The following PIGN variants were observed in gnomAD, a reference collection of about 807,000 sequenced individuals.
PIGN encodes phosphatidylinositol glycan anchor biosynthesis class N.
In PIGN, 117 loss-of-function variants were observed where a neutral mutation model predicts 125.4. That is an observed-to-expected ratio of 0.93 (90% CI 0.80 to 1.09). The LOEUF is 1.09. Among genes scored for constraint, PIGN ranks in the 50% least tolerant of loss-of-function variants. The pLI is 0.00. For missense variants in PIGN, 1,075 were observed against 1,094.9 expected (o/e 0.98, Z 0.26); for synonymous variants, 392 against 377.8 (o/e 1.04, Z -0.44).
chr18:62,145,976 A>T lies in PIGN; in HGVS notation c.855T>A (p.Thr285=), dbSNP rs1311950306. The change falls in exon 10 of 31, where the codon ACT becomes ACA. Residue 285 remains threonine (T), a synonymous_variant. Coordinates refer to ENST00000640252, the MANE Select transcript of PIGN (RefSeq NM_176787.5). The stretch of plus-strand genomic sequence containing the variant: ...GGGGATACTTGATTCCAGCTCCCCA[A>T]GTGACTAAAGGAGTTAAAGTCTCTG... ...HPSETLTPLV[T]WGAGIKYPQR... 1 of 1,609,736 alleles carries T rather than the reference A, an allele frequency of 6.2e-7. No individual in the cohort carries two copies. The highest frequency in any genetic ancestry group is 1.7e-5 in the Admixed American group (1 of 59,814).
chr18:62,032,519 G>C (rs896143306), intron 23 of PIGN, among the ~76,000 whole-genome samples: 1 of 152,150 alleles, frequency 6.6e-6, no homozygotes, highest in African/African-American at 2.4e-5. Context: ...GTTCATACTT[G>C]ATTATCTATA....
chr18:62,081,763 T>C (rs535848014), intron 28 of PIGN, among the ~76,000 whole-genome samples: 8 of 152,292 alleles, frequency 5.3e-5, no homozygotes, highest in Admixed American at 3.3e-4. Context: ...TTATGTGATA[T>C]TGACAAGGCA....
chr18:62,161,033 C>A, intron 4 of PIGN, 100 bp downstream of exon 4: 2 of 713,538 alleles, frequency 2.8e-6, no homozygotes, highest in Non-Finnish European at 2.3e-6. Flanking sequence ...CTCATCATCA[C>A]CCCTGTGCCC....
chr18:62,021,502 T>A (rs1014685724), intron 23 of PIGN, among the ~76,000 whole-genome samples: 12 of 152,136 alleles, frequency 7.9e-5, no homozygotes, highest in Non-Finnish European at 1.8e-4. Flanking sequence ...CTGGGTGACA[T>A]GAAAAGGGCC....
At chr18:62,022,851 C>T (rs2030070091) in intron 23 of PIGN, among the ~76,000 whole-genome samples, 1 of 152,134 alleles carries the variant, frequency 6.6e-6, no homozygotes, top group African/African-American at 2.4e-5. Flanking sequence ...CTGTGGATAC[C>T]AGAATCTGCA....
intron 22 of PIGN, among the ~76,000 whole-genome samples, chr18:62,099,846 C>T (rs1182789441): frequency 6.6e-6 from 1 of 152,078 alleles, no homozygotes; most frequent in African/African-American, 2.4e-5. Context: ...AAATGTAAGA[C>T]CTGAAACCAT....
chr18:62,050,650 G>A (rs2031198132), intron 30 of PIGN, among the ~76,000 whole-genome samples: 1 of 151,866 alleles, frequency 6.6e-6, no homozygotes, highest in African/African-American at 2.4e-5. Context: ...CTGCAAACAG[G>A]GACAATTTGA....
chr18:62,143,448 T>C (rs556796698), intron 10 of PIGN, 102 bp from the exon 11 acceptor site: 1 of 693,984 alleles, frequency 1.4e-6, no homozygotes, highest in African/African-American at 1.8e-5. Flanking sequence ...ACATAGGTGT[T>C]AGAAATGTCT....
At chr18:62,160,107 C>T (rs771807450) in intron 4 of PIGN, among the ~76,000 whole-genome samples, 10 of 151,498 alleles carry the variant, frequency 6.6e-5, no homozygotes, top group Non-Finnish European at 1.0e-4. Context: ...AGCGAGACTC[C>T]GTCTCAAAAA....
chr18:62,138,144 A>C (rs1196615690), intron 14 of PIGN, 99 bp downstream of exon 14: 3 of 1,465,160 alleles, frequency 2.0e-6, no homozygotes, highest in African/African-American at 1.4e-5. Flanking sequence ...ATAAAATGGC[A>C]AACTGTATAA....
chr18:62,174,003 CAA>C (rs1023718788), intron 1 of PIGN, among the ~76,000 whole-genome samples: 9 of 152,146 alleles, frequency 5.9e-5, no homozygotes, highest in Admixed American at 4.6e-4. Context: ...ATCACGAAGT[CAA>C]GAGTTCGAGA....
chr18:62,034,079 A>AT, intron 23 of PIGN, among the ~76,000 whole-genome samples: 1 of 152,288 alleles, frequency 6.6e-6, no homozygotes, highest in South Asian at 2.1e-4. Context: ...TGAGGGCAAG[A>AT]ATTAGGTTGA....
chr18:62,156,047 T>C (rs2036719758), intron 6 of PIGN, among the ~76,000 whole-genome samples: 1 of 152,214 alleles, frequency 6.6e-6, no homozygotes, highest in Non-Finnish European at 1.5e-5. Flanking sequence ...TACAAATCCT[T>C]TCTGATAAGT....
chr18:62,063,916 T>G (rs1483797146), intron 30 of PIGN, among the ~76,000 whole-genome samples: 1 of 112,828 alleles, frequency 8.9e-6, no homozygotes, highest in East Asian at 2.7e-4. Context: ...CATCACACAC[T>G]GAGGCCTGTC....
At chr18:62,165,378 T>C (rs1379957448) in intron 1 of PIGN, among the ~76,000 whole-genome samples, 2 of 152,184 alleles carry the variant, frequency 1.3e-5, no homozygotes, top group Non-Finnish European at 2.9e-5. Flanking sequence ...TATTCTGTTA[T>C]AGCAACACAA....
chr18:62,147,880 A>G (rs1213423670), intron 8 of PIGN, among the ~76,000 whole-genome samples: 1 of 152,176 alleles, frequency 6.6e-6, no homozygotes, highest in Non-Finnish European at 1.5e-5. Flanking sequence ...ATAAAAGTTA[A>G]TACCATAAAA....
At chr18:62,020,774 C>A (rs528674727) in intron 23 of PIGN, among the ~76,000 whole-genome samples, 53 of 149,160 alleles carry the variant, frequency 3.6e-4, no homozygotes, top group African/African-American at 1.3e-3. Flanking sequence ...CATGGTGAAA[C>A]CCCGTCTCTG....
intron 23 of PIGN, chr18:62,017,798 G>C (rs948790535): frequency 6.6e-6 from 1 of 151,596 alleles, no homozygotes; most frequent in African/African-American, 2.4e-5. Flanking sequence ...CCTTTATAAA[G>C]AGCTTTCCCA....
At chr18:62,026,509 T>C (rs1238730380) in intron 23 of PIGN, among the ~76,000 whole-genome samples, 1 of 152,224 alleles carries the variant, frequency 6.6e-6, no homozygotes, top group Admixed American at 6.5e-5. Flanking sequence ...ATTATACTGA[T>C]ACTGGCACAA....
Sources: allele counts gnomAD v4.1 joint callset (sites outside exome capture counted in the v4.1 genomes callset), GRCh38; gene constraint gnomAD v4.1.1; transcripts MANE v1.5; gene names NCBI Gene and HGNC (gene_info 2026-07-23, HGNC 2026-07-21).